Variants in XPNPEP2 observed in about 807,000 individuals in gnomAD.
The protein encoded by XPNPEP2 is xaa-Pro aminopeptidase 2.
XPNPEP2 carries 64 observed loss-of-function variants against 59.8 expected under a neutral mutation model. The ratio of observed to expected loss-of-function variants is 1.07; its 90% CI spans 0.87 to 1.32. XPNPEP2 has a LOEUF of 1.32. Among genes scored for constraint, XPNPEP2 ranks in the 40% most tolerant of loss-of-function variants. XPNPEP2 has a pLI of 0.00. For synonymous variants in XPNPEP2, 235 were observed against 210.0 expected (o/e 1.12, Z -1.03); for missense variants, 575 against 546.8 (o/e 1.05, Z -0.51).
At chrX:129,742,740 A>C (rs1926218160) in intron 2 of XPNPEP2, among the ~76,000 whole-genome samples, 1 of 110,960 alleles carries the variant, frequency 9.0e-6, no homozygotes, top group African/African-American at 3.3e-5. Context: ...CGTCTCTACT[A>C]AAAATAAAAA....
chrX:129,752,390 T>C, intron 10 of XPNPEP2, 45 bp downstream of exon 10: 1 of 1,174,639 alleles, frequency 8.5e-7, no homozygotes, highest in Non-Finnish European at 1.2e-6. Context: ...CAATCCCCAC[T>C]CTAGGCCTGA....
At chrX:129,757,893 GAGAAAGAAAGA>G (rs1436997501) in intron 14 of XPNPEP2, among the ~76,000 whole-genome samples, 1 of 51,782 alleles carries the variant, frequency 1.9e-5, no homozygotes, top group African/African-American at 1.0e-4. Context: ...GAGAGAGAGA[GAGAAAGAAAGA>G]AAGAAAGAAA....
intron 17 of XPNPEP2, 102 bp downstream of exon 17, chrX:129,761,378 A>G (rs1926654588): frequency 1.3e-6 from 1 of 756,284 alleles, no homozygotes; most frequent in East Asian, 3.5e-5. Context: ...ACCCACAAAG[A>G]TGCCATGATC....
intron 20 of XPNPEP2, 110 bp from the exon 21 acceptor site, chrX:129,768,181 C>G (rs928755969): frequency 6.4e-6 from 5 of 779,457 alleles, no homozygotes; most frequent in Admixed American, 7.1e-5. Flanking sequence ...CTGTGGCCAT[C>G]TGGACTATGG....
chrX:129,750,503 A>T lies in XPNPEP2; in HGVS notation c.673A>T (p.Ser225Cys). The change falls in exon 8 of 21, where the codon AGC becomes TGC. Residue 225 changes from serine to cysteine, a missense_variant. Coordinates refer to ENST00000371106, the MANE Select transcript of XPNPEP2 (RefSeq NM_003399.6). Reference protein sequence around the residue: ...TWQEKVSGVRSQMQKHQKVPT... With the variant: ...TWQEKVSGVRCQMQKHQKVPT... ...GCAGGAGAAAGTATCTGGCGTCCGAAGCCAGATGCAGAAGCATCAAAAGGT... is the reference window on the plus strand; with the variant it reads ...GCAGGAGAAAGTATCTGGCGTCCGATGCCAGATGCAGAAGCATCAAAAGGT... 1 of 1,197,200 alleles carries T rather than the reference A, an allele frequency of 8.4e-7. No individual in the cohort carries two copies. Among genetic ancestry groups the T allele is most frequent in the Non-Finnish European group, 1.1e-6 (1 of 888,305 alleles).
chrX:129,755,274 C>T lies in XPNPEP2; in HGVS notation c.1218-20C>T. Reference sequence around the variant, plus strand: ...TCCAGGGGCCCATTCATTGACCATGCCTTGCCTTGTACTTTCCAGAGAAGA... The same window carrying T: ...TCCAGGGGCCCATTCATTGACCATGTCTTGCCTTGTACTTTCCAGAGAAGA... On this transcript the variant is annotated intron_variant, in intron 12 of 20. Coordinates refer to ENST00000371106, the MANE Select transcript of XPNPEP2 (RefSeq NM_003399.6). 5 of 1,206,285 alleles carry T rather than the reference C, an allele frequency of 4.1e-6. No individual in the cohort carries two copies. Among genetic ancestry groups the T allele is most frequent in the Non-Finnish European group, 5.6e-6 (5 of 890,858 alleles).
intron 13 of XPNPEP2, 145 bp downstream of exon 13, chrX:129,755,516 G>A (rs1290607815): frequency 3.8e-6 from 2 of 529,363 alleles, no homozygotes; most frequent in South Asian, 3.0e-5. Context: ...GGCTGGGAGA[G>A]GAGCTCAGTG....
intron 7 of XPNPEP2, chrX:129,747,989 T>A: frequency 6.7e-6 from 3 of 446,031 alleles, no homozygotes; most frequent in Non-Finnish European, 3.9e-6. Flanking sequence ...GGTTAAAGAA[T>A]GTTAGGATTT....
chrX:129,741,172 TG>T (rs10664993), intron 1 of XPNPEP2, among the ~76,000 whole-genome samples: 7,702 of 88,357 alleles, frequency 0.087, 732 homozygotes, highest in African/African-American at 0.31. Context: ...CAATGAATAT[TG>T]GGGGGGGGTC....
intron 13 of XPNPEP2, 70 bp downstream of exon 13, chrX:129,755,441 G>A: frequency 9.5e-7 from 1 of 1,049,650 alleles, no homozygotes; most frequent in South Asian, 1.9e-5. Context: ...GGAACAGGGT[G>A]AGGGGAGGGG....
At chrX:129,741,344 TG>T (rs1926177604) in intron 1 of XPNPEP2, among the ~76,000 whole-genome samples, 2 of 112,271 alleles carry the variant, frequency 1.8e-5, no homozygotes, top group Non-Finnish European at 3.8e-5. Flanking sequence ...TAAGATGGCC[TG>T]GGTTCAAATC....
intron 8 of XPNPEP2, 68 bp from the exon 9 acceptor site, chrX:129,751,677 A>G (rs893179517): frequency 8.5e-6 from 8 of 941,981 alleles, no homozygotes; most frequent in African/African-American, 2.0e-5. Flanking sequence ...GAAAGGAAAA[A>G]AAGAGGAAAA....
In XPNPEP2 at chrX:129,740,471, A is replaced by G. The variant is rs137912029; in HGVS notation, c.49+1209A>G. ...GTGAAACACTGTCTCTATTAAAATTACAAAAATTAGCCAGGCATGGTGGCG... is the reference window on the plus strand; with the variant it reads ...GTGAAACACTGTCTCTATTAAAATTGCAAAAATTAGCCAGGCATGGTGGCG... On this transcript the variant is annotated intron_variant, in intron 1 of 20. Transcript: ENST00000371106. 6.9e-3 allele frequency among the ~76,000 whole-genome samples: 745 copies of G among 108,655 alleles called. 11 individuals are homozygous for G. The highest frequency in any genetic ancestry group is 0.023 in the African/African-American group (683 of 29,718). The allele number at this position is 108,655 out of a possible 115,157, so 94.4% of individuals were successfully genotyped here.
At chrX:129,761,373 C>A in intron 17 of XPNPEP2, 97 bp downstream of exon 17, 1 of 771,527 alleles carries the variant, frequency 1.3e-6, no homozygotes. Context: ...CAAAGACCCA[C>A]AAAGATGCCA....
chrX:129,760,639 A>T (rs1926639682), intron 16 of XPNPEP2, 58 bp downstream of exon 16: 7 of 1,130,757 alleles, frequency 6.2e-6, no homozygotes, highest in East Asian at 3.0e-5. Flanking sequence ...CAGGACTCAG[A>T]CCATCACCCT....
At chrX:129,740,036 G>A (rs144482871) in intron 1 of XPNPEP2, among the ~76,000 whole-genome samples, 57 of 112,542 alleles carry the variant, frequency 5.1e-4, no homozygotes, top group African/African-American at 1.7e-3. Flanking sequence ...CTTGTGCCAG[G>A]GACCACAGAG....
At chrX:129,762,625 G>C in intron 18 of XPNPEP2, 69 bp from the exon 19 acceptor site, 1 of 1,005,967 alleles carries the variant, frequency 9.9e-7, no homozygotes, top group Non-Finnish European at 1.4e-6. Context: ...CCACTCATCA[G>C]TAGGTACAGG....
At position 129,752,053 on chromosome X, in the gene XPNPEP2, C is replaced by T. The variant is rs2124030639; in HGVS notation, c.822-97C>T. ...CTGCTTGGCTCCCTGGGGCTGGCTT[C>T]CTTTGACCTCCAGGAACAGAGGGAC... On this transcript the variant is annotated intron_variant, in intron 9 of 20. Coordinates refer to ENST00000371106, the MANE Select transcript of XPNPEP2 (RefSeq NM_003399.6). 5.7e-6 allele frequency: 6 copies of T among 1,055,567 alleles called. No individual in the cohort carries two copies. In the East Asian group the frequency reaches 1.8e-4, roughly 32 times the overall value. 87.0% of individuals were successfully genotyped at this position (1,055,567 alleles called of 1,213,427 possible). A position where few individuals can be genotyped will look rare whatever the true frequency, so the allele number is the denominator to read the frequency against.
At chrX:129,752,463 C>G (rs1284681784) in intron 10 of XPNPEP2, 118 bp downstream of exon 10, 7 of 781,313 alleles carry the variant, frequency 9.0e-6, no homozygotes, top group Non-Finnish European at 1.1e-5. Context: ...CAGCCAACAA[C>G]TGTGCAGTGA....
Sources: gnomAD v4.1 joint callset for allele counts (sites outside exome capture counted in the v4.1 genomes callset) on GRCh38, gnomAD v4.1.1 for gene constraint, MANE v1.5 for transcripts, NCBI Gene and HGNC (gene_info 2026-07-23, HGNC 2026-07-21) for gene names.